Variants in CSMD1 observed in about 807,000 individuals in gnomAD.
The protein encoded by CSMD1 is CUB and Sushi multiple domains 1.
CSMD1 carries 213 observed loss-of-function variants against 417.5 expected under a neutral mutation model. The ratio of observed to expected loss-of-function variants is 0.51; its 90% CI spans 0.46 to 0.57. The LOEUF (loss-of-function observed/expected upper bound fraction) is 0.57, where lower values mean the gene tolerates loss of function less well. Ranked by LOEUF, CSMD1 falls within the 20% of genes least tolerant of loss-of-function variation. The pLI is 0.00. For missense variants in CSMD1, 6,923 were observed against 4,529.7 expected, an observed-to-expected ratio of 1.53 and a Z score of -15.17; for synonymous variants, 2,862 against 1,736.8, an observed-to-expected ratio of 1.65 and a Z score of -16.11.
Position 4,267,201 on chromosome 8 carries a change from A to G in CSMD1, c.415+152752T>C, listed in dbSNP as rs1225888396. ...CATTAATTCCAAAAAATGCACAACA[A>G]AAGAATCCATTAACAACAGTTATTA... On this transcript the variant is annotated intron_variant, in intron 3 of 69. Coordinates refer to ENST00000635120, the MANE Select transcript of CSMD1 (RefSeq NM_033225.6). Among the ~76,000 whole-genome samples the G allele has an allele frequency of 1.1e-4, 12 of 104,522 alleles. 1 individual carries two copies. The highest frequency in any genetic ancestry group is 3.1e-4 in the African/African-American group (12 of 38,590). 68.6% of individuals were successfully genotyped at this position (104,522 alleles called of 152,430 possible). A position where few individuals can be genotyped will look rare whatever the true frequency, so the allele number is the denominator to read the frequency against.
chr8:4,178,597 A>C (rs956967887), intron 3 of CSMD1, among the ~76,000 whole-genome samples: 1 of 151,744 alleles, frequency 6.6e-6, no homozygotes, highest in East Asian at 1.9e-4. Context: ...TAGGCAGGAG[A>C]AGGAAATAAA....
chr8:3,715,182 C>T (rs1286116556), intron 6 of CSMD1, among the ~76,000 whole-genome samples: 2 of 152,096 alleles, frequency 1.3e-5, no homozygotes, highest in East Asian at 1.9e-4. Context: ...GCAAATTATT[C>T]ATCAAAGTAC....
chr8:3,156,380 G>C (rs899023779), intron 39 of CSMD1, among the ~76,000 whole-genome samples: 1 of 152,204 alleles, frequency 6.6e-6, no homozygotes, highest in African/African-American at 2.4e-5. Flanking sequence ...TTCTTTAATT[G>C]AAATTCTTGA....
At chr8:3,800,837 T>C (rs955531592) in intron 5 of CSMD1, among the ~76,000 whole-genome samples, 31 of 152,230 alleles carry the variant, frequency 2.0e-4, no homozygotes, top group African/African-American at 6.7e-4. Flanking sequence ...CATCATGTTT[T>C]GACACAGCAC....
chr8:3,447,589 C>T (rs529897159), intron 12 of CSMD1, among the ~76,000 whole-genome samples: 9 of 152,272 alleles, frequency 5.9e-5, no homozygotes, highest in East Asian at 1.9e-4. Flanking sequence ...TCAGAGGTTC[C>T]GTAGGATTAG....
intron 5 of CSMD1, among the ~76,000 whole-genome samples, chr8:3,862,508 T>C (rs996322601): frequency 6.6e-6 from 1 of 152,194 alleles, no homozygotes; most frequent in African/African-American, 2.4e-5. Flanking sequence ...TCCCAGACCT[T>C]ACAACTGTTT....
chr8:4,530,093 T>A (rs578124152), intron 2 of CSMD1, among the ~76,000 whole-genome samples: 5 of 151,644 alleles, frequency 3.3e-5, no homozygotes, highest in Non-Finnish European at 7.4e-5. Flanking sequence ...TTTTTGTATT[T>A]TAGTAGATAC....
intron 5 of CSMD1, among the ~76,000 whole-genome samples, chr8:3,786,132 G>A (rs1162024158): frequency 6.6e-6 from 1 of 152,142 alleles, no homozygotes; most frequent in African/African-American, 2.4e-5. Flanking sequence ...AGGTGAGGCT[G>A]CTTAGCAAAA....
At chr8:4,546,389 G>C (rs1459840312) in intron 2 of CSMD1, among the ~76,000 whole-genome samples, 1 of 152,204 alleles carries the variant, frequency 6.6e-6, no homozygotes, top group Non-Finnish European at 1.5e-5. Context: ...GTGTCTGTGA[G>C]GGGGTTTCTA....
At position 3,932,038 on chromosome 8, in the gene CSMD1, T is replaced by C. The variant is rs192459081; in HGVS notation, c.818+65865A>G. On this transcript the variant is annotated intron_variant, in intron 5 of 69. Coordinates refer to ENST00000635120, the MANE Select transcript of CSMD1 (RefSeq NM_033225.6). ...AACAATAATTTTGTGACTTCAGTTC[T>C]AATTTCATCAGAGAGTAGGATTCAA... Among the ~76,000 whole-genome samples, 22 of 150,594 alleles carry C rather than the reference T, an allele frequency of 1.5e-4. 1 individual carries two copies. Among genetic ancestry groups the C allele is most frequent in the African/African-American group, 4.9e-4 (20 of 40,930 alleles).
chr8:3,363,813 G>A (rs888792446), intron 20 of CSMD1, among the ~76,000 whole-genome samples: 7 of 152,208 alleles, frequency 4.6e-5, no homozygotes, highest in African/African-American at 1.4e-4. Flanking sequence ...TAGACACGTC[G>A]TAGCGAGTGG....
intron 10 of CSMD1, among the ~76,000 whole-genome samples, chr8:3,566,772 A>T (rs1799730846): frequency 6.6e-6 from 1 of 152,142 alleles, no homozygotes; most frequent in African/African-American, 2.4e-5. Flanking sequence ...AAAAAGTCAG[A>T]ATTTAACAGA....
At chr8:4,437,648 C>G (rs531242096) in intron 2 of CSMD1, among the ~76,000 whole-genome samples, 15 of 152,154 alleles carry the variant, frequency 9.9e-5, no homozygotes, top group Non-Finnish European at 4.4e-5. Flanking sequence ...CAGAGTCACA[C>G]AAAGGAGTTC....
intron 2 of CSMD1, among the ~76,000 whole-genome samples, chr8:4,475,426 A>G (rs1800746995): frequency 6.6e-6 from 1 of 152,072 alleles, no homozygotes; most frequent in East Asian, 1.9e-4. Flanking sequence ...CTCTTTTTTA[A>G]TATTCACCTG....
At chr8:3,974,052 T>C (rs77429713) in intron 5 of CSMD1, among the ~76,000 whole-genome samples, 2,503 of 152,262 alleles carry the variant, frequency 0.016, 62 homozygotes, top group African/African-American at 0.056. Flanking sequence ...TCATTGACTA[T>C]AGTCTCCTCG....
chr8:4,887,021 G>C (rs1803791349), intron 1 of CSMD1, among the ~76,000 whole-genome samples: 3 of 151,728 alleles, frequency 2.0e-5, no homozygotes, highest in African/African-American at 7.3e-5. Flanking sequence ...TGCTTGGTTT[G>C]TGTTAATGTT....
chr8:2,981,022 T>C (rs903142951), intron 54 of CSMD1, among the ~76,000 whole-genome samples: 5 of 152,214 alleles, frequency 3.3e-5, no homozygotes, highest in Non-Finnish European at 5.9e-5. Flanking sequence ...CAGTCCTACA[T>C]AGAGTTGCAG....
At chr8:4,235,675 T>C (rs1374212810) in intron 3 of CSMD1, among the ~76,000 whole-genome samples, 1 of 152,222 alleles carries the variant, frequency 6.6e-6, no homozygotes, top group Non-Finnish European at 1.5e-5. Flanking sequence ...GGTCAGCCTG[T>C]TGCCATGTTT....
At chr8:4,351,554 C>T (rs1454935591) in intron 3 of CSMD1, among the ~76,000 whole-genome samples, 1 of 152,136 alleles carries the variant, frequency 6.6e-6, no homozygotes, top group Non-Finnish European at 1.5e-5. Context: ...AGTGGCCGGT[C>T]AGTTTGGCTT....
Sources: allele counts gnomAD v4.1 joint callset (sites outside exome capture counted in the v4.1 genomes callset), GRCh38; gene constraint gnomAD v4.1.1; transcripts MANE v1.5; gene names NCBI Gene and HGNC (gene_info 2026-07-23, HGNC 2026-07-21).